Variants in CCL14 observed in about 807,000 individuals in gnomAD.
CCL14 encodes C-C motif chemokine 14.
CCL14 carries 8 observed loss-of-function variants against 8.2 expected under a neutral mutation model. That is an observed-to-expected ratio of 0.98 (90% CI 0.57 to 1.76). CCL14 has a LOEUF of 1.76. Ranked by LOEUF, CCL14 falls within the 40% of genes most tolerant of loss-of-function variation. The pLI is 0.00. For synonymous variants in CCL14, 50 were observed against 43.2 expected, an observed-to-expected ratio of 1.16 and a Z score of -0.62; for missense variants, 127 against 118.3, an observed-to-expected ratio of 1.07 and a Z score of -0.34.
intron 1 of CCL14, chr17:35,985,622 C>G: frequency 1.3e-6 from 1 of 756,622 alleles, no homozygotes; most frequent in Non-Finnish European, 2.2e-6. Context: ...AGCATCCTCA[C>G]GATCCAAAGA....
Position 35,983,827 on chromosome 17 carries a change from A to G in CCL14, c.256T>C (p.Tyr86His). ...TNPSDKWVQDYIKDMKEN is the reference protein window; with the variant it reads ...TNPSDKWVQDHIKDMKEN Reference sequence around the variant, plus strand: ...CAGTTCTCCTTCATGTCCTTGATATAGTCCTGGACCCACTTGTCACTGGGG... The same window carrying G: ...CAGTTCTCCTTCATGTCCTTGATATGGTCCTGGACCCACTTGTCACTGGGG... The change falls in exon 3 of 3, where the codon TAT becomes CAT. Residue 86 changes from tyrosine to histidine, a missense_variant. Physicochemically the swap from Tyr to His is moderately conservative, Grantham distance 83. Transcript: ENST00000618404. The G allele has an allele frequency of 6.2e-7, 1 of 1,613,876 alleles. No individual in the cohort carries two copies. Among genetic ancestry groups the G allele is most frequent in the Non-Finnish European group, 8.5e-7 (1 of 1,179,780 alleles).
rs1332049049 is a variant in CCL14, at chr17:35,986,666, G to A, written c.-17C>T. 4 of 1,608,092 alleles carry A rather than the reference G, an allele frequency of 2.5e-6. No homozygotes were observed. The highest frequency in any genetic ancestry group is 2.2e-5 in the South Asian group (2 of 90,936). ...GATCTTCATGCTGTGGGAAGCTGTT[G>A]TGGGAGGAGAGCTGGCCTGGTGGGA... is the stretch of plus-strand genomic sequence containing the variant. On this transcript the variant is annotated 5_prime_UTR_variant, in exon 1 of 3. Coordinates refer to ENST00000618404, the MANE Select transcript of CCL14 (RefSeq NM_032963.4).
At chr17:35,985,565 T>A (rs2089751975) in intron 1 of CCL14, 1 of 607,014 alleles carries the variant, frequency 1.6e-6, no homozygotes, top group South Asian at 2.0e-5. Flanking sequence ...GGTGGCCAGA[T>A]GTCTGGGTGG....
At chr17:35,985,427 G>A in intron 1 of CCL14, 1 of 335,152 alleles carries the variant, frequency 3.0e-6, no homozygotes, top group Non-Finnish European at 5.4e-6. Context: ...GACATTGTAG[G>A]CCAAGAGCCC....
Position 35,983,497 on chromosome 17 carries a change from T to C in CCL14, c.*304A>G. ...TCTTTACACTGCTTTTCTTTCTCAC[T>C]TTCTGCTTCTCACTACCTGCATTGC... On this transcript the variant is annotated 3_prime_UTR_variant, in exon 3 of 3. Transcript: ENST00000618404. 2.8e-6 allele frequency: 1 copy of C among 363,202 alleles called. No homozygotes were observed. Among genetic ancestry groups the C allele is most frequent in the Non-Finnish European group, 5.0e-6 (1 of 200,368 alleles). 22.5% of individuals were successfully genotyped at this position (363,202 alleles called of 1,614,324 possible).
intron 1 of CCL14, chr17:35,985,612 A>T (rs2141995563): frequency 1.4e-6 from 1 of 710,604 alleles, no homozygotes; most frequent in South Asian, 1.7e-5. Flanking sequence ...CATTCCAGGC[A>T]GCATCCTCAC....
chr17:35,986,024 G>A, intron 1 of CCL14: 1 of 551,216 alleles, frequency 1.8e-6, no homozygotes, highest in South Asian at 2.6e-5. Context: ...GCCCTTGAGG[G>A]GCTCAAGACA....
chr17:35,986,268 T>G, intron 1 of CCL14: 1 of 421,296 alleles, frequency 2.4e-6, no homozygotes, highest in Non-Finnish European at 4.2e-6. Flanking sequence ...GGTAGTGGAA[T>G]GAAGCCTGGA....
At chr17:35,986,362 C>T (rs937265606) in intron 1 of CCL14, 1 of 580,476 alleles carries the variant, frequency 1.7e-6, no homozygotes, top group Admixed American at 2.9e-5. Context: ...TAAGTCTCAT[C>T]TCCATCCTGC....
intron 1 of CCL14, chr17:35,984,761 T>C (rs1421250410): frequency 2.0e-6 from 1 of 494,862 alleles, no homozygotes; most frequent in Non-Finnish European, 3.5e-6. Flanking sequence ...ACACCATCTC[T>C]GGGGGCCGAC....
chr17:35,983,945 C>T (rs2089713946), intron 2 of CCL14, 57 bp from the exon 3 acceptor site: 4 of 1,263,004 alleles, frequency 3.2e-6, no homozygotes, highest in Non-Finnish European at 4.6e-6. Flanking sequence ...CCGGAAGAGA[C>T]AGCCCATCTT....
intron 1 of CCL14, chr17:35,984,945 T>C (rs993354435): frequency 2.0e-5 from 4 of 197,038 alleles, no homozygotes; most frequent in Non-Finnish European, 3.1e-5. Flanking sequence ...CATGTCCCCA[T>C]TGAACCGACA....
chr17:35,986,465 C>T lies in CCL14; in HGVS notation c.79+106G>A, dbSNP rs886701134. ...ACACAATTTCAAGAAGATACCAGCCCTCCTTTCTGAGTCCCTGCTCCTGGT... is the reference window on the plus strand; with the variant it reads ...ACACAATTTCAAGAAGATACCAGCCTTCCTTTCTGAGTCCCTGCTCCTGGT... On this transcript the variant is annotated intron_variant, in intron 1 of 2. Transcript: ENST00000618404. 4.9e-6 allele frequency: 4 copies of T among 810,610 alleles called. No individual in the cohort carries two copies. The Admixed American group carries it at 8.2e-5, about 17-fold the overall frequency. 50.2% of individuals were successfully genotyped at this position (810,610 alleles called of 1,614,324 possible).
rs1309503087 is a variant in CCL14, at chr17:35,983,324, C to G, written c.*477G>C. On this transcript the variant is annotated 3_prime_UTR_variant, in exon 3 of 3. Transcript: ENST00000618404. ...TAGAGAGCCCTTTATGAAGTGTTAC[C>G]TAAAAAATCAAATGATGATTTGTAG... 6.4e-6 allele frequency: 1 copy of G among 156,240 alleles called. No homozygotes were observed. The highest frequency in any genetic ancestry group is 2.4e-5 in the African/African-American group (1 of 41,494). The allele number at this position is 156,240 out of a possible 1,614,324, so 9.7% of individuals were successfully genotyped here. A position where few individuals can be genotyped will look rare whatever the true frequency, so the allele number is the denominator to read the frequency against.
intron 1 of CCL14, chr17:35,986,019 T>C: frequency 1.8e-6 from 1 of 565,132 alleles, no homozygotes; most frequent in Non-Finnish European, 3.1e-6. Flanking sequence ...AAAATGCCCT[T>C]GAGGGGCTCA....
In CCL14 at chr17:35,983,569, A is replaced by C; in HGVS notation, c.*232T>G. On this transcript the variant is annotated 3_prime_UTR_variant, in exon 3 of 3. Coordinates refer to ENST00000618404, the MANE Select transcript of CCL14 (RefSeq NM_032963.4). Reference sequence around the variant, plus strand: ...CCAGGCTCCAGCAAAACTTCTGCAGAGCGAGGCTTGATGCCGAGGGTGCCA... The same window carrying C: ...CCAGGCTCCAGCAAAACTTCTGCAGCGCGAGGCTTGATGCCGAGGGTGCCA... The C allele has an allele frequency of 2.1e-6, 1 of 470,408 alleles. No individual in the cohort carries two copies. Among genetic ancestry groups the C allele is most frequent in the Non-Finnish European group, 3.8e-6 (1 of 265,256 alleles). The allele number at this position is 470,408 out of a possible 1,614,324, so 29.1% of individuals were successfully genotyped here. A position where few individuals can be genotyped will look rare whatever the true frequency, so the allele number is the denominator to read the frequency against.
rs774100370 is a variant in CCL14 at position 35,986,595 on chromosome 17, C to G, written c.55G>C (p.Gly19Arg). Reference sequence around the variant, plus strand: ...CGTGAGGAGGATTCAGTCTTGGTCCCTAGGGCGATGGTGATGAGGAGGAAG... The same window carrying G: ...CGTGAGGAGGATTCAGTCTTGGTCCGTAGGGCGATGGTGATGAGGAGGAAG... ...PFFLLITIAL[G>R]TKTESSSRGP... The change falls in exon 1 of 3, where the codon GGG becomes CGG. Residue 19 changes from glycine to arginine, a missense_variant. Coordinates refer to ENST00000618404, the MANE Select transcript of CCL14 (RefSeq NM_032963.4). 6.2e-7 allele frequency: 1 copy of G among 1,613,964 alleles called. No individual in the cohort carries two copies. Among genetic ancestry groups the G allele is most frequent in the Non-Finnish European group, 8.5e-7 (1 of 1,179,946 alleles).
At position 35,983,549 on chromosome 17, in the gene CCL14, C is replaced by A; in HGVS notation, c.*252G>T. 2.2e-6 allele frequency: 1 copy of A among 451,130 alleles called. No homozygotes were observed. Among genetic ancestry groups the A allele is most frequent in the Non-Finnish European group, 3.9e-6 (1 of 253,928 alleles). The allele number at this position is 451,130 out of a possible 1,614,324, so 27.9% of individuals were successfully genotyped here. A position where few individuals can be genotyped will look rare whatever the true frequency, so the allele number is the denominator to read the frequency against. ...GGCCTGACCTATTTTTTGTACCAGG[C>A]TCCAGCAAAACTTCTGCAGAGCGAG... On this transcript the variant is annotated 3_prime_UTR_variant, in exon 3 of 3. Transcript: ENST00000618404.
Position 35,983,443 on chromosome 17 carries a change from T to G in CCL14, c.*358A>C, listed in dbSNP as rs1239063047. ...TAGAAAGCATTAAGAAAACGGGGTC[T>G]GCTACTGTTGTTGCTGAGGAGGAGA... On this transcript the variant is annotated 3_prime_UTR_variant, in exon 3 of 3. Coordinates refer to ENST00000618404, the MANE Select transcript of CCL14 (RefSeq NM_032963.4). 2 of 243,462 alleles carry G rather than the reference T, an allele frequency of 8.2e-6. No homozygotes were observed. Among genetic ancestry groups the G allele is most frequent in the Non-Finnish European group, 1.6e-5 (2 of 126,288 alleles). 15.1% of individuals were successfully genotyped at this position (243,462 alleles called of 1,614,324 possible).
Sources: allele counts gnomAD v4.1 joint callset, GRCh38; gene constraint gnomAD v4.1.1; transcripts MANE v1.5; gene names NCBI Gene and HGNC (gene_info 2026-07-23, HGNC 2026-07-21).